Variants in ACO2 observed in about 807,000 individuals in gnomAD.
ACO2 encodes aconitase 2, also known as aconitate hydratase, mitochondrial.
ACO2 carries 31 observed loss-of-function variants against 84.5 expected under a neutral mutation model. That is an observed-to-expected ratio of 0.37 (90% CI 0.28 to 0.50). The LOEUF is 0.50. ACO2 is among the 20% of genes least tolerant of loss of function. The probability of loss-of-function intolerance (pLI) is 0.97; values close to 1 mark genes in which losing one functional copy is unlikely to be tolerated. For missense variants in ACO2, 685 were observed against 1,029.3 expected, an observed-to-expected ratio of 0.67 and a Z score of 4.58; for synonymous variants, 414 against 412.7, an observed-to-expected ratio of 1.00 and a Z score of -0.04.
chr22:41,523,037 T>C (rs759383944), intron 10 of ACO2, 50 bp downstream of exon 10: 2 of 1,605,864 alleles, frequency 1.2e-6, no homozygotes, highest in African/African-American at 1.3e-5. Context: ...TGCTGAGTAA[T>C]GCCTCCAGGC....
Position 41,474,623 on chromosome 22 carries a change from G to C in ACO2, c.36+5441G>C, listed in dbSNP as rs1182978023. On this transcript the variant is annotated intron_variant, in intron 1 of 17. Transcript: ENST00000216254. Reference sequence around the variant, plus strand: ...TTTTTTTTTTTTTTTTTTTGAGACGGAGTCTCACTCTGTCACCCAGGCTGG... The same window carrying C: ...TTTTTTTTTTTTTTTTTTTGAGACGCAGTCTCACTCTGTCACCCAGGCTGG... 2.3e-5 allele frequency among the ~76,000 whole-genome samples: 2 copies of C among 86,944 alleles called. 1 individual carries two copies. The allele number at this position is 86,944 out of a possible 152,430, so 57.0% of individuals were successfully genotyped here. A position where few individuals can be genotyped will look rare whatever the true frequency, so the allele number is the denominator to read the frequency against.
At chr22:41,526,571 G>T in intron 15 of ACO2, 118 bp downstream of exon 15, 1 of 1,192,044 alleles carries the variant, frequency 8.4e-7, no homozygotes, top group South Asian at 1.6e-5. Flanking sequence ...AAGCCCAAAG[G>T]GGACTGCTGT....
chr22:41,510,383 A>T (rs2066425073), intron 3 of ACO2, among the ~76,000 whole-genome samples: 1 of 152,206 alleles, frequency 6.6e-6, no homozygotes. Context: ...CGATTTGTAA[A>T]TGAAAAAGCT....
At chr22:41,474,761 G>C (rs558345231) in intron 1 of ACO2, among the ~76,000 whole-genome samples, 1 of 151,130 alleles carries the variant, frequency 6.6e-6, no homozygotes, top group Non-Finnish European at 1.5e-5. Context: ...ACCATGCCTG[G>C]CTAATTTTTT....
intron 1 of ACO2, among the ~76,000 whole-genome samples, chr22:41,485,731 C>T (rs1277607381): frequency 2.6e-5 from 4 of 152,052 alleles, no homozygotes; most frequent in East Asian, 3.9e-4. Flanking sequence ...GTGTGAGCCA[C>T]GGCGCTCGGC....
chr22:41,525,739 C>G, intron 14 of ACO2: 1 of 240,746 alleles, frequency 4.2e-6, no homozygotes, highest in South Asian at 7.7e-5. Flanking sequence ...CTCCTGCCCC[C>G]ACAGTTGGGC....
At chr22:41,505,854 T>C (rs1262663830) in intron 2 of ACO2, among the ~76,000 whole-genome samples, 2 of 152,116 alleles carry the variant, frequency 1.3e-5, no homozygotes, top group Non-Finnish European at 2.9e-5. Flanking sequence ...GTGTATACAG[T>C]GTCAAAACTT....
At position 41,469,157 on chromosome 22, in the gene ACO2, A is replaced by ACAGC; in HGVS notation, c.13_16dup (p.Leu6GlnfsTer34). 6.2e-7 allele frequency: 1 copy of ACAGC among 1,609,712 alleles called. No individual in the cohort carries two copies. The highest frequency in any genetic ancestry group is 8.5e-7 in the Non-Finnish European group (1 of 1,177,930). On this transcript the variant is annotated frameshift_variant, in exon 1 of 18. Transcript: ENST00000216254. LOFTEE classifies it high-confidence loss of function. ...TTGTCAGTGCACAAAATGGCGCCCT[A>ACAGC]CAGCCTACTGGTGACTCGGCTGCAG...
Position 41,524,833 on chromosome 22 carries a change from A to G in ACO2, c.1483-13A>G. ...ATTGGTGCTGACCAACAAACTGGCC[A>G]CCTCCATTTCAGATTGTCACAGCCC... On this transcript the variant is annotated splice_polypyrimidine_tract_variant and intron_variant, in intron 12 of 17. Coordinates refer to ENST00000216254, the MANE Select transcript of ACO2 (RefSeq NM_001098.3). The G allele has an allele frequency of 6.2e-7, 1 of 1,613,874 alleles. No individual in the cohort carries two copies. Among genetic ancestry groups the G allele is most frequent in the Non-Finnish European group, 8.5e-7 (1 of 1,179,962 alleles).
Position 41,527,890 on chromosome 22 carries a change from C to T in ACO2, c.2087-11C>T, listed in dbSNP as rs777112552. On this transcript the variant is annotated splice_polypyrimidine_tract_variant and intron_variant, in intron 16 of 17. Transcript: ENST00000216254. Reference sequence around the variant, plus strand: ...CAGGCCCCCGATGACCGAATGCCGCCTGCTTTCCAGAGACCAACCTGAAGA... The same window carrying T: ...CAGGCCCCCGATGACCGAATGCCGCTTGCTTTCCAGAGACCAACCTGAAGA... The T allele has an allele frequency of 6.2e-7, 1 of 1,614,190 alleles. No individual in the cohort carries two copies. The highest frequency in any genetic ancestry group is 1.1e-5 in the South Asian group (1 of 91,086).
At chr22:41,505,682 C>T (rs1365414719) in intron 2 of ACO2, among the ~76,000 whole-genome samples, 1 of 152,000 alleles carries the variant, frequency 6.6e-6, no homozygotes, top group Admixed American at 6.6e-5. Flanking sequence ...CATGAAAATA[C>T]TTAAGATAAT....
intron 1 of ACO2, among the ~76,000 whole-genome samples, chr22:41,486,625 C>T (rs968384953): frequency 4.0e-5 from 6 of 150,700 alleles, no homozygotes; most frequent in East Asian, 2.0e-4. Context: ...CACCCGCCAC[C>T]GTGCCCGGCC....
chr22:41,520,843 GAAA>G (rs148408618), intron 9 of ACO2, among the ~76,000 whole-genome samples: 2 of 127,994 alleles, frequency 1.6e-5, no homozygotes, highest in African/African-American at 2.8e-5. Context: ...CTCCGTCTCA[GAAA>G]AAAAAAAAAA....
At chr22:41,516,164 CCA>C (rs1313226954) in intron 6 of ACO2, 1 of 627,096 alleles carries the variant, frequency 1.6e-6, no homozygotes, top group Non-Finnish European at 2.8e-6. Flanking sequence ...AACTGTGTGG[CCA>C]CACACGGTTA....
intron 9 of ACO2, 37 bp downstream of exon 9, chr22:41,520,313 A>G: frequency 6.4e-7 from 1 of 1,551,892 alleles, no homozygotes; most frequent in Non-Finnish European, 8.9e-7. Context: ...AGCAGGTCTC[A>G]GGGCCAGTGG....
intron 1 of ACO2, among the ~76,000 whole-genome samples, chr22:41,488,056 C>T (rs1033203100): frequency 4.6e-5 from 7 of 152,152 alleles, no homozygotes; most frequent in Non-Finnish European, 8.8e-5. Flanking sequence ...CCTACTTTTG[C>T]GCTTGATTGC....
intron 4 of ACO2, among the ~76,000 whole-genome samples, chr22:41,514,093 C>T (rs1422019513): frequency 6.6e-6 from 1 of 152,222 alleles, no homozygotes; most frequent in African/African-American, 2.4e-5. Flanking sequence ...TTCTTCGCAG[C>T]CAGGTCTTCC....
intron 7 of ACO2, among the ~76,000 whole-genome samples, chr22:41,518,109 T>C (rs929799691): frequency 6.6e-6 from 1 of 152,150 alleles, no homozygotes; most frequent in African/African-American, 2.4e-5. Context: ...GGGTGGTGCG[T>C]TGTGGGAGTG....
At chr22:41,473,509 AAAAG>A (rs1227944110) in intron 1 of ACO2, among the ~76,000 whole-genome samples, 1 of 152,228 alleles carries the variant, frequency 6.6e-6, no homozygotes, top group African/African-American at 2.4e-5. Context: ...TGTCTCAAGA[AAAAG>A]AAAGAAAAAG....
Sources: allele counts gnomAD v4.1 joint callset (sites outside exome capture counted in the v4.1 genomes callset), GRCh38; gene constraint gnomAD v4.1.1; transcripts MANE v1.5; gene names NCBI Gene and HGNC (gene_info 2026-07-23, HGNC 2026-07-21).